USP6NL: variants seen among roughly 807,000 people sequenced by gnomAD.
USP6NL encodes the protein USP6 N-terminal like, also known as USP6 N-terminal-like protein.
A neutral mutation model predicts 61.9 loss-of-function variants in USP6NL; 26 were observed. The ratio of observed to expected loss-of-function variants is 0.42; its 90% CI spans 0.31 to 0.58. The LOEUF (loss-of-function observed/expected upper bound fraction) is 0.58. Ranked by LOEUF, USP6NL falls within the 20% of genes least tolerant of loss-of-function variation. The pLI, the probability that USP6NL is intolerant of heterozygous loss-of-function variation, is 0.16. For missense variants in USP6NL, 1,114 were observed against 1,034.3 expected, an observed-to-expected ratio of 1.08 and a Z score of -1.06; for synonymous variants, 432 against 390.1, an observed-to-expected ratio of 1.11 and a Z score of -1.27.
At chr10:11,588,613 A>G (rs1413768254) in intron 2 of USP6NL, among the ~76,000 whole-genome samples, 3 of 152,208 alleles carry the variant, frequency 2.0e-5, no homozygotes, top group African/African-American at 7.2e-5. Flanking sequence ...CACTAATGAA[A>G]GAAAAAAAAT....
intron 2 of USP6NL, among the ~76,000 whole-genome samples, chr10:11,549,072 T>C (rs1456848470): frequency 6.6e-6 from 1 of 152,134 alleles, no homozygotes; most frequent in Admixed American, 6.5e-5. Flanking sequence ...ACCTTTTCCA[T>C]ATTTTACTAC....
At chr10:11,512,605 G>T (rs1476647277) in intron 5 of USP6NL, among the ~76,000 whole-genome samples, 1 of 152,122 alleles carries the variant, frequency 6.6e-6, no homozygotes, top group East Asian at 1.9e-4. Flanking sequence ...TCACCTTCCA[G>T]TTCTACCTCC....
intron 2 of USP6NL, among the ~76,000 whole-genome samples, chr10:11,533,159 GA>G: frequency 6.6e-6 from 1 of 152,316 alleles, no homozygotes. Flanking sequence ...CAGAAGTTGA[GA>G]GGGGGAAAAT....
rs1457900696 is a variant in USP6NL, at chr10:11,597,676, A to T, written c.-42T>A. 1 of 1,538,706 alleles carries T rather than the reference A, an allele frequency of 6.5e-7. No homozygotes were observed. Reference sequence around the variant, plus strand: ...GAATGTTGTCCCAATCAGATATTAAACCAAAATCTGCTGTCCAAGGTTTCT... The same window carrying T: ...GAATGTTGTCCCAATCAGATATTAATCCAAAATCTGCTGTCCAAGGTTTCT... On this transcript the variant is annotated 5_prime_UTR_variant, in exon 2 of 15. Coordinates refer to ENST00000609104, the MANE Select transcript of USP6NL (RefSeq NM_014688.5). The surrounding 1 kb of genome is among the most constrained non-coding windows in gnomAD (Gnocchi z 4.6).
chr10:11,470,905 G>A lies in USP6NL; in HGVS notation c.1079-7056C>T, dbSNP rs1226353734. On this transcript the variant is annotated intron_variant, in intron 14 of 14. Transcript: ENST00000609104. The surrounding 1 kb of genome is among the most constrained non-coding windows in gnomAD (Gnocchi z 5.4). The stretch of plus-strand genomic sequence containing the variant: ...CTCCCTAAAAACACAGGAATTGGAG[G>A]CCTGGCGTGGTGGCTCACGCCTGTA... Among the ~76,000 whole-genome samples, 2 of 152,170 alleles carry A rather than the reference G, an allele frequency of 1.3e-5. No individual in the cohort carries two copies. Among genetic ancestry groups the A allele is most frequent in the African/African-American group, 4.8e-5 (2 of 41,440 alleles).
rs968195311 is a variant in USP6NL at position 11,468,360 on chromosome 10, A to G, written c.1079-4511T>C. On this transcript the variant is annotated intron_variant, in intron 14 of 14. Transcript: ENST00000609104. The surrounding 1 kb of genome is among the most constrained non-coding windows in gnomAD (Gnocchi z 4.5). ...GGTCTCTTAGTCACAGCTTGGCCGC[A>G]CTTGGCTTCAAGTTCCTCCTATCAA... Among the ~76,000 whole-genome samples the G allele has an allele frequency of 6.6e-5, 10 of 152,220 alleles. No individual in the cohort carries two copies. The highest frequency in any genetic ancestry group is 2.4e-4 in the African/African-American group (10 of 41,462).
chr10:11,556,963 G>A (rs560147868), intron 2 of USP6NL, among the ~76,000 whole-genome samples: 4 of 152,168 alleles, frequency 2.6e-5, no homozygotes, highest in South Asian at 4.1e-4. Flanking sequence ...TTCCTTGCAC[G>A]CACAGATGAA....
chr10:11,552,474 A>C (rs1836528118), intron 2 of USP6NL, among the ~76,000 whole-genome samples: 1 of 152,222 alleles, frequency 6.6e-6, no homozygotes, highest in African/African-American at 2.4e-5. Context: ...CATGCATAAC[A>C]ATTGATAAGT....
At chr10:11,564,649 A>C (rs574295029) in intron 2 of USP6NL, 2 of 152,214 alleles carry the variant, frequency 1.3e-5, no homozygotes, top group East Asian at 3.8e-4. Flanking sequence ...TAATAAGTAA[A>C]GACATATTCA....
At chr10:11,479,247 C>G (rs1316764638) in intron 14 of USP6NL, among the ~76,000 whole-genome samples, 9 of 152,074 alleles carry the variant, frequency 5.9e-5, no homozygotes. Flanking sequence ...AAGGTGTCTG[C>G]AACACATAAT....
At chr10:11,502,258 C>CA (rs58597235) in intron 6 of USP6NL, among the ~76,000 whole-genome samples, 15,118 of 96,710 alleles carry the variant, frequency 0.16, 1,217 homozygotes, top group East Asian at 0.5. Flanking sequence ...GACTCCATCT[C>CA]AAAAAAAAAA....
At position 11,463,644 on chromosome 10, in the gene USP6NL, T is replaced by C. The variant is rs775677538; in HGVS notation, c.1284A>G (p.Ala428=). 20 of 1,613,878 alleles carry C rather than the reference T, an allele frequency of 1.2e-5. No individual in the cohort carries two copies. The Admixed American group carries it at 2.5e-4, about 20-fold the overall frequency. The change falls in exon 15 of 15, where the codon GCA becomes GCG. Residue 428 remains alanine, a synonymous_variant. Transcript: ENST00000609104. This position sits in a 1 kb window ranked among gnomAD's most constrained non-coding sequence, Gnocchi z 6.3. ...PQSRTGTPER[A]QPPRRKSVEE... ...CCACCGATTTCCGTCTTGGCGGCTG[T>C]GCTCTCTCGGGCGTCCCGGTCCTGC...
rs191997150 is a variant in USP6NL at position 11,527,808 on chromosome 10, C to T, written c.5-241G>A. On this transcript the variant is annotated intron_variant, in intron 2 of 14. Transcript: ENST00000609104. ...AAACTTAGGACATGATAAATCTTAT[C>T]CTTCATGAATCAATTTCGGATCTAA... Among the ~76,000 whole-genome samples the T allele has an allele frequency of 7.0e-3, 1,066 of 152,184 alleles. 5 individuals are homozygous for T. Among genetic ancestry groups the T allele is most frequent in the Admixed American group, 0.015 (225 of 15,274 alleles).
chr10:11,493,205 G>A lies in USP6NL; in HGVS notation c.408C>T (p.Gly136=). 3 of 1,611,182 alleles carry A rather than the reference G, an allele frequency of 1.9e-6. No homozygotes were observed. The highest frequency in any genetic ancestry group is 2.5e-6 in the Non-Finnish European group (3 of 1,178,590). The change falls in exon 8 of 15, where the codon GGC becomes GGT. Residue 136 remains glycine, a synonymous_variant. Coordinates refer to ENST00000609104, the MANE Select transcript of USP6NL (RefSeq NM_014688.5). ...CTATTTGTCTGATGTCAGGTGAACA[G>A]CCCCGTGCTCTGTGTTTTAATTTCT... ...LYSKLKHRAR[G]CSPDIRQIDL...
At chr10:11,501,898 A>C (rs1036352135) in intron 6 of USP6NL, among the ~76,000 whole-genome samples, 1 of 152,174 alleles carries the variant, frequency 6.6e-6, no homozygotes, top group Non-Finnish European at 1.5e-5. Context: ...CTATCTGATA[A>C]GACAAAAACA....
At chr10:11,483,274 C>T (rs1372488918) in intron 13 of USP6NL, among the ~76,000 whole-genome samples, 3 of 151,814 alleles carry the variant, frequency 2.0e-5, no homozygotes, top group Non-Finnish European at 2.9e-5. Context: ...AGTTGCTATG[C>T]TTAACATTTA....
intron 6 of USP6NL, among the ~76,000 whole-genome samples, chr10:11,504,368 C>G (rs1264773247): frequency 1.3e-5 from 2 of 152,134 alleles, no homozygotes; most frequent in African/African-American, 2.4e-5. Context: ...GTTGATAATC[C>G]TTCAACTGGC....
chr10:11,539,433 C>T (rs1835963337), intron 2 of USP6NL, among the ~76,000 whole-genome samples: 1 of 152,212 alleles, frequency 6.6e-6, no homozygotes, highest in Non-Finnish European at 1.5e-5. Context: ...CCCTGGAACC[C>T]ACCAAATCAG....
intron 7 of USP6NL, 37 bp downstream of exon 7, chr10:11,501,064 T>A: frequency 1.4e-6 from 2 of 1,479,956 alleles, no homozygotes; most frequent in Non-Finnish European, 1.8e-6. Context: ...ATTTTACTTT[T>A]TAATTTCAAA....
Sources: gnomAD v4.1 joint callset for allele counts (sites outside exome capture counted in the v4.1 genomes callset) on GRCh38, gnomAD v4.1.1 for gene constraint, Gnocchi (gnomAD v3.1) non-coding constraint, MANE v1.5 for transcripts, NCBI Gene and HGNC (gene_info 2026-07-23, HGNC 2026-07-21) for gene names.